NOTCH2NLB: variants seen among roughly 807,000 people sequenced by gnomAD.
NOTCH2NLB encodes the protein notch 2 N-terminal like B, also known as notch homolog 2 N-terminal-like protein B.
In NOTCH2NLB, 1 loss-of-function variant was observed where a neutral mutation model predicts 14.8. The observed-to-expected ratio is 0.07, with a 90% CI of 0.02 to 0.32. The LOEUF (loss-of-function observed/expected upper bound fraction) is 0.32, where lower values mean the gene tolerates loss of function less well. NOTCH2NLB is among the 10% of genes least tolerant of loss of function. The probability of loss-of-function intolerance (pLI) is 1.00; values close to 1 mark genes in which losing one functional copy is unlikely to be tolerated. For missense variants in NOTCH2NLB, 11 were observed against 155.0 expected (o/e 0.07, Z 4.93); for synonymous variants, 6 against 57.5 (o/e 0.10, Z 4.05).
intron 1 of NOTCH2NLB, among the ~76,000 whole-genome samples, chr1:148,646,853 CCAA>C (rs1664386512): frequency 6.6e-6 from 1 of 150,930 alleles, no homozygotes; most frequent in Non-Finnish European, 1.5e-5. Flanking sequence ...ATCAAAACTG[CCAA>C]CAACAGAACA....
chr1:148,633,925 CCTCT>C (rs1415766105), intron 2 of NOTCH2NLB, among the ~76,000 whole-genome samples: 1 of 68,924 alleles, frequency 1.5e-5, no homozygotes, highest in Non-Finnish European at 2.6e-5. Flanking sequence ...TTACTCTGAA[CCTCT>C]CTAAGAAGCC....
rs1181199882 is a variant in NOTCH2NLB, at chr1:148,637,066, T to A, written c.77+2950A>T. On this transcript the variant is annotated intron_variant, in intron 2 of 4. Coordinates refer to ENST00000593495, the Ensembl canonical transcript of NOTCH2NLB. The stretch of plus-strand genomic sequence containing the variant: ...GGACAGAATTTAGGCAGCTCCATTT[T>A]CTTTTTTTTTTTTTTTTTTGGAGAC... Among the ~76,000 whole-genome samples, 3 of 83,126 alleles carry A rather than the reference T, an allele frequency of 3.6e-5. No individual in the cohort carries two copies. The East Asian group carries it at 1.7e-3, about 48-fold the overall frequency. 54.5% of individuals were successfully genotyped at this position (83,126 alleles called of 152,430 possible).
Position 148,654,626 on chromosome 1 carries a change from C to A in NOTCH2NLB, c.4-14537G>T, listed in dbSNP as rs1664516964. Among the ~76,000 whole-genome samples the A allele has an allele frequency of 2.9e-5, 2 of 69,012 alleles. 1 individual carries two copies. The highest frequency in any genetic ancestry group is 1.5e-3 in the South Asian group (2 of 1,376). The allele number at this position is 69,012 out of a possible 152,430, so 45.3% of individuals were successfully genotyped here. On this transcript the variant is annotated intron_variant, in intron 1 of 4. Coordinates refer to ENST00000593495, the Ensembl canonical transcript of NOTCH2NLB. ...CACAAAATGCCACCTTATTCCATGTCCATACCACTAAAGAACTATAGAAAA... is the reference window on the plus strand; with the variant it reads ...CACAAAATGCCACCTTATTCCATGTACATACCACTAAAGAACTATAGAAAA...
At chr1:148,670,603 C>T (rs1303202914) in intron 1 of NOTCH2NLB, among the ~76,000 whole-genome samples, 1 of 109,804 alleles carries the variant, frequency 9.1e-6, no homozygotes, top group Non-Finnish European at 1.9e-5. Context: ...TTTTCTAAAT[C>T]TAAGGGTAAA....
chr1:148,600,981 GCA>G, the NOTCH2NLB span, among the ~76,000 whole-genome samples: 1 of 139,210 alleles, frequency 7.2e-6, no homozygotes, highest in Non-Finnish European at 1.5e-5. Flanking sequence ...CCATAAAAAG[GCA>G]CAGAGTACTG....
intron 1 of NOTCH2NLB, among the ~76,000 whole-genome samples, chr1:148,674,781 G>A (rs1664816334): frequency 7.8e-6 from 1 of 127,632 alleles, no homozygotes; most frequent in African/African-American, 2.8e-5. Flanking sequence ...TCAACACCAT[G>A]TGATTCTCTC....
chr1:148,615,190 A>G (rs1663775593), intron 3 of NOTCH2NLB, among the ~76,000 whole-genome samples: 1 of 133,738 alleles, frequency 7.5e-6, no homozygotes, highest in African/African-American at 2.6e-5. Flanking sequence ...GCTAGAGTGC[A>G]GTGGTGCGAT....
chr1:148,637,596 T>C (rs2149615955), intron 2 of NOTCH2NLB, among the ~76,000 whole-genome samples: 1 of 148,280 alleles, frequency 6.7e-6, no homozygotes, highest in Admixed American at 6.7e-5. Context: ...AATTTTGCTT[T>C]TAAGTTTTGG....
At chr1:148,628,211 TTGA>T (rs1390542797) in intron 2 of NOTCH2NLB, among the ~76,000 whole-genome samples, 3 of 128,854 alleles carry the variant, frequency 2.3e-5, no homozygotes, top group African/African-American at 1.0e-4. Flanking sequence ...TCATCGGTTG[TTGA>T]TAAGACTGAC....
downstream of NOTCH2NLB, among the ~76,000 whole-genome samples, chr1:148,606,578 GCCT>G (rs1244761944): frequency 1.4e-5 from 2 of 142,646 alleles, no homozygotes; most frequent in South Asian, 2.1e-4. Context: ...TTGGTTTTCA[GCCT>G]CCTCATCATT....
At chr1:148,637,795 A>G (rs1271719721) in intron 2 of NOTCH2NLB, among the ~76,000 whole-genome samples, 1 of 115,104 alleles carries the variant, frequency 8.7e-6, no homozygotes, top group Admixed American at 1.0e-4. Flanking sequence ...CCCTGTGTCC[A>G]TGTGTTCTCA....
At chr1:148,661,474 G>GT (rs1664682384) in intron 1 of NOTCH2NLB, among the ~76,000 whole-genome samples, 1 of 148,170 alleles carries the variant, frequency 6.7e-6, no homozygotes, top group East Asian at 1.9e-4. Context: ...TGCAGTGAAT[G>GT]TAAGAAATCT....
At chr1:148,643,521 A>G (rs1664324936) in intron 1 of NOTCH2NLB, among the ~76,000 whole-genome samples, 1 of 36,714 alleles carries the variant, frequency 2.7e-5, no homozygotes, top group Non-Finnish European at 4.4e-5. Context: ...TCTCAAAAAA[A>G]AAAAAAAAAA....
intron 1 of NOTCH2NLB, among the ~76,000 whole-genome samples, chr1:148,676,978 G>A (rs1304228000): frequency 3.4e-5 from 2 of 58,034 alleles, no homozygotes; most frequent in East Asian, 1.6e-3. Flanking sequence ...ATAGTTTTAG[G>A]TTAAATTTCA....
At chr1:148,670,414 TTAAG>T (rs1308246191) in intron 1 of NOTCH2NLB, among the ~76,000 whole-genome samples, 26 of 145,792 alleles carry the variant, frequency 1.8e-4, no homozygotes, top group Non-Finnish European at 2.9e-4. Flanking sequence ...CATATTAAGA[TTAAG>T]TAATATTTAC....
In NOTCH2NLB at chr1:148,625,704, G is replaced by A. The variant is rs1475276142; in HGVS notation, c.78-9754C>T. 2.2e-3 allele frequency among the ~76,000 whole-genome samples: 254 copies of A among 114,620 alleles called. 71 individuals are homozygous for A. The highest frequency in any genetic ancestry group is 9.5e-3 in the African/African-American group (235 of 24,836). 75.2% of individuals were successfully genotyped at this position (114,620 alleles called of 152,430 possible). A position where few individuals can be genotyped will look rare whatever the true frequency, so the allele number is the denominator to read the frequency against. ...CAGCCTGCCCTAGCTGAGCTCTAGA[G>A]GGGGGAGCTGTCGTTAAGGTAAATG... On this transcript the variant is annotated intron_variant, in intron 2 of 4. Coordinates refer to ENST00000593495, the Ensembl canonical transcript of NOTCH2NLB.
chr1:148,637,479 C>A (rs2149615773), intron 2 of NOTCH2NLB, among the ~76,000 whole-genome samples: 2 of 143,324 alleles, frequency 1.4e-5, no homozygotes, highest in African/African-American at 5.3e-5. Context: ...ATTTGAAATT[C>A]TCCATATATA....
intron 1 of NOTCH2NLB, among the ~76,000 whole-genome samples, chr1:148,674,940 G>GA (rs1664827221): frequency 1.0e-5 from 1 of 98,138 alleles, no homozygotes; most frequent in African/African-American, 3.2e-5. Context: ...CCAACTCAAT[G>GA]AAAAAAATCT....
chr1:148,676,930 C>A, intron 1 of NOTCH2NLB, among the ~76,000 whole-genome samples: 1 of 59,154 alleles, frequency 1.7e-5, no homozygotes, highest in African/African-American at 5.1e-5. Flanking sequence ...CTCCACCACA[C>A]CAAAAAAAAA....
Sources: gnomAD v4.1 joint callset for allele counts (sites outside exome capture counted in the v4.1 genomes callset) on GRCh38, gnomAD v4.1.1 for gene constraint, MANE v1.5 for transcripts, NCBI Gene and HGNC (gene_info 2026-07-23, HGNC 2026-07-21) for gene names.